Variants in GALNTL6 observed in about 807,000 individuals in gnomAD.
GALNTL6 encodes the protein polypeptide N-acetylgalactosaminyltransferase-like 6.
In GALNTL6, 46 loss-of-function variants were observed where a neutral mutation model predicts 73.7. The ratio of observed to expected loss-of-function variants is 0.62; its 90% CI spans 0.49 to 0.80. GALNTL6 has a LOEUF of 0.80. Among genes scored for constraint, GALNTL6 ranks in the 30% least tolerant of loss-of-function variants. The pLI, the probability that GALNTL6 is intolerant of heterozygous loss-of-function variation, is 0.00. For synonymous variants in GALNTL6, 259 were observed against 263.7 expected, an observed-to-expected ratio of 0.98 and a Z score of 0.17; for missense variants, 604 against 755.0, an observed-to-expected ratio of 0.80 and a Z score of 2.34.
At chr4:172,177,813 G>GTACACATATATATACACA (rs1735085633) in intron 2 of GALNTL6, among the ~76,000 whole-genome samples, 1 of 121,038 alleles carries the variant, frequency 8.3e-6, no homozygotes, top group Non-Finnish European at 1.6e-5. Flanking sequence ...ACACATATAT[G>GTACACATATATATACACA]TGTGTGTATA....
At chr4:172,885,330 T>C (rs1745663539) in intron 8 of GALNTL6, among the ~76,000 whole-genome samples, 1 of 152,168 alleles carries the variant, frequency 6.6e-6, no homozygotes, top group African/African-American at 2.4e-5. Flanking sequence ...TTCACTTCTT[T>C]AGTTAAATTT....
At chr4:172,056,193 C>T (rs1409264847) in intron 2 of GALNTL6, among the ~76,000 whole-genome samples, 1 of 152,068 alleles carries the variant, frequency 6.6e-6, no homozygotes, top group Non-Finnish European at 1.5e-5. Flanking sequence ...TAATATTTAT[C>T]GCTTATGTTG....
At chr4:172,132,342 C>G (rs997466196) in intron 2 of GALNTL6, among the ~76,000 whole-genome samples, 36 of 152,174 alleles carry the variant, frequency 2.4e-4, no homozygotes, top group South Asian at 6.2e-4. Flanking sequence ...TTTTTGAACA[C>G]ATGAATTTTG....
chr4:172,731,549 T>C (rs981296415), intron 5 of GALNTL6, among the ~76,000 whole-genome samples: 4 of 152,104 alleles, frequency 2.6e-5, no homozygotes, highest in African/African-American at 9.6e-5. Flanking sequence ...TTCATTTATT[T>C]CTGCTCTGAT....
intron 2 of GALNTL6, among the ~76,000 whole-genome samples, chr4:171,918,123 T>C (rs1183658751): frequency 6.6e-6 from 1 of 152,140 alleles, no homozygotes; most frequent in Non-Finnish European, 1.5e-5. Context: ...GTTGTGCTGA[T>C]TTCATAGAAC....
chr4:172,710,496 T>G (rs1203299749), intron 5 of GALNTL6, among the ~76,000 whole-genome samples: 2 of 152,162 alleles, frequency 1.3e-5, no homozygotes, highest in Non-Finnish European at 2.9e-5. Flanking sequence ...AAATGATATC[T>G]TAACACTCAA....
At chr4:172,046,775 C>T (rs933346238) in intron 2 of GALNTL6, among the ~76,000 whole-genome samples, 3 of 152,038 alleles carry the variant, frequency 2.0e-5, no homozygotes, top group Non-Finnish European at 4.4e-5. Flanking sequence ...ATGATTACCC[C>T]TTATCAAATG....
chr4:172,106,493 A>G (rs568056533), intron 2 of GALNTL6, among the ~76,000 whole-genome samples: 3 of 152,282 alleles, frequency 2.0e-5, no homozygotes, highest in African/African-American at 7.2e-5. Context: ...TTCTGTAAGA[A>G]TTCTATTTTG....
chr4:172,198,769 G>C (rs1227294029), intron 2 of GALNTL6, among the ~76,000 whole-genome samples: 2 of 152,134 alleles, frequency 1.3e-5, no homozygotes, highest in Non-Finnish European at 2.9e-5. Context: ...AAAATCCAGT[G>C]CCTACTTGCC....
rs190663620 is a variant in GALNTL6 at position 172,226,581 on chromosome 4, C to G, written c.139-3075C>G. On this transcript the variant is annotated intron_variant, in intron 2 of 12. Transcript: ENST00000506823. ...TCTGTGTGTGTGTGTGTGTGTGTGTCTGTGTGTCTGTGTGTGTGTGTTTCT... is the reference window on the plus strand; with the variant it reads ...TCTGTGTGTGTGTGTGTGTGTGTGTGTGTGTGTCTGTGTGTGTGTGTTTCT... Among the ~76,000 whole-genome samples the G allele has an allele frequency of 9.8e-4, 60 of 61,166 alleles. No individual in the cohort carries two copies. In the South Asian group the frequency reaches 0.035, roughly 35 times the overall value. 40.1% of individuals were successfully genotyped at this position (61,166 alleles called of 152,430 possible).
intron 5 of GALNTL6, among the ~76,000 whole-genome samples, chr4:172,362,764 A>G (rs1484380931): frequency 6.6e-6 from 1 of 152,150 alleles, no homozygotes; most frequent in Non-Finnish European, 1.5e-5. Context: ...GCTTGATGAC[A>G]TCATCATCCA....
intron 2 of GALNTL6, among the ~76,000 whole-genome samples, chr4:172,212,948 G>C (rs930715022): frequency 1.3e-5 from 2 of 152,168 alleles, no homozygotes; most frequent in African/African-American, 4.8e-5. Context: ...TGGGATTACA[G>C]GCGTGAGCCA....
intron 2 of GALNTL6, among the ~76,000 whole-genome samples, chr4:172,028,525 T>G (rs1052896501): frequency 2.0e-5 from 3 of 152,040 alleles, no homozygotes; most frequent in Non-Finnish European, 4.4e-5. Context: ...AGAAATTTAG[T>G]TTTAGATTGA....
intron 2 of GALNTL6, among the ~76,000 whole-genome samples, chr4:171,996,153 G>GTGAT (rs569623335): frequency 2.1e-3 from 320 of 152,164 alleles, no homozygotes; most frequent in Non-Finnish European, 4.0e-3. Context: ...CTCTGAAATA[G>GTGAT]TGATACACAT....
At chr4:172,317,212 T>G in intron 4 of GALNTL6, among the ~76,000 whole-genome samples, 2 of 152,220 alleles carry the variant, frequency 1.3e-5, no homozygotes, top group Non-Finnish European at 2.9e-5. Context: ...GTGCCTTATA[T>G]TCTAAATACT....
At chr4:172,676,064 C>T (rs1186458554) in intron 5 of GALNTL6, among the ~76,000 whole-genome samples, 1 of 152,004 alleles carries the variant, frequency 6.6e-6, no homozygotes, top group African/African-American at 2.4e-5. Context: ...AGTATGTGAC[C>T]CAGAACAAAA....
chr4:172,303,161 A>G (rs1192884684), intron 3 of GALNTL6, among the ~76,000 whole-genome samples: 1 of 151,978 alleles, frequency 6.6e-6, no homozygotes, highest in African/African-American at 2.4e-5. Flanking sequence ...CACTGTGCCC[A>G]GCTAATTTTT....
At chr4:172,989,116 G>C (rs1336030402) in intron 10 of GALNTL6, among the ~76,000 whole-genome samples, 1 of 152,188 alleles carries the variant, frequency 6.6e-6, no homozygotes, top group African/African-American at 2.4e-5. Context: ...TCCACTGGCA[G>C]CTTGCACTGT....
chr4:171,863,906 C>T (rs1006321265), intron 2 of GALNTL6, among the ~76,000 whole-genome samples: 13 of 151,970 alleles, frequency 8.6e-5, no homozygotes, highest in African/African-American at 1.7e-4. Flanking sequence ...TACAGGTGCC[C>T]GCCACCATGC....
Sources: gnomAD v4.1 joint callset for allele counts (sites outside exome capture counted in the v4.1 genomes callset) on GRCh38, gnomAD v4.1.1 for gene constraint, MANE v1.5 for transcripts, NCBI Gene and HGNC (gene_info 2026-07-23, HGNC 2026-07-21) for gene names.